Variants in ECPAS observed in about 807,000 individuals in gnomAD.
ECPAS encodes proteasome adapter and scaffold protein ECM29.
Under a neutral mutation model 255.1 loss-of-function variants are expected in ECPAS, and 70 were observed. The observed-to-expected ratio is 0.27, with a 90% confidence interval of 0.23 to 0.33. ECPAS has a LOEUF of 0.33. ECPAS is among the 10% of genes least tolerant of loss of function. ECPAS has a pLI of 1.00. For missense variants in ECPAS, 1,817 were observed against 2,206.4 expected, an observed-to-expected ratio of 0.82 and a Z score of 3.54; for synonymous variants, 784 against 775.0, an observed-to-expected ratio of 1.01 and a Z score of -0.19.
intron 2 of ECPAS, among the ~76,000 whole-genome samples, chr9:111,465,480 CA>C (rs1030623494): frequency 1.4e-4 from 21 of 152,130 alleles, no homozygotes; most frequent in African/African-American, 5.1e-4. Flanking sequence ...AAGGAGGTTG[CA>C]GTGAGCCGAG....
At chr9:111,473,918 A>C (rs2098292787) in intron 1 of ECPAS, among the ~76,000 whole-genome samples, 1 of 152,168 alleles carries the variant, frequency 6.6e-6, no homozygotes, top group Non-Finnish European at 1.5e-5. Flanking sequence ...AGTGAGCCGA[A>C]ATCACACCAC....
intron 24 of ECPAS, among the ~76,000 whole-genome samples, chr9:111,407,102 TA>T (rs1224765159): frequency 5.0e-5 from 7 of 139,424 alleles, no homozygotes; most frequent in African/African-American, 5.6e-5. Context: ...GAGCCTTCAT[TA>T]AAAAAAAAAC....
At chr9:111,436,261 C>A (rs2098238041) in intron 7 of ECPAS, among the ~76,000 whole-genome samples, 1 of 152,160 alleles carries the variant, frequency 6.6e-6, no homozygotes, top group Non-Finnish European at 1.5e-5. Flanking sequence ...AGAAGACTAA[C>A]CCATGTTGCT....
chr9:111,381,737 A>G (rs777871456), intron 35 of ECPAS, among the ~76,000 whole-genome samples: 1 of 152,148 alleles, frequency 6.6e-6, no homozygotes, highest in Non-Finnish European at 1.5e-5. Flanking sequence ...CCATTTTCAC[A>G]CTTTAAAAAT....
At chr9:111,440,562 G>A (rs1363919522) in intron 5 of ECPAS, 41 bp from the exon 6 acceptor site, 1 of 1,469,632 alleles carries the variant, frequency 6.8e-7, no homozygotes, top group East Asian at 2.4e-5. Context: ...CTTAAAAAAT[G>A]AGATTTTTAT....
chr9:111,482,891 G>T (rs947953608), intron 1 of ECPAS, among the ~76,000 whole-genome samples: 1 of 152,156 alleles, frequency 6.6e-6, no homozygotes, highest in Admixed American at 6.5e-5. Context: ...CCGTCCCCGG[G>T]AAGGCTGCAC....
Position 111,425,804 on chromosome 9 carries a change from T to C in ECPAS, c.1075A>G (p.Thr359Ala). 6.3e-7 allele frequency: 1 copy of C among 1,581,116 alleles called. No individual in the cohort carries two copies. Among genetic ancestry groups the C allele is most frequent in the Non-Finnish European group, 8.7e-7 (1 of 1,153,826 alleles). ...IQVVYDGLFG[T>A]NTNSKLRTLS... Reference sequence around the variant, plus strand: ...GTTCTTAACTTTGAATTTGTATTTGTACCAAAAAGTCCATCATACACCACC... The same window carrying C: ...GTTCTTAACTTTGAATTTGTATTTGCACCAAAAAGTCCATCATACACCACC... Residue 359 changes from threonine (T) to alanine (A), a missense_variant, in exon 11 of 50, where the codon ACA (threonine) becomes GCA (alanine). Physicochemically the swap from Thr to Ala is moderately conservative, Grantham distance 58. Transcript: ENST00000684092.
At chr9:111,464,680 G>T (rs2098277204) in intron 2 of ECPAS, among the ~76,000 whole-genome samples, 1 of 152,036 alleles carries the variant, frequency 6.6e-6, no homozygotes, top group Non-Finnish European at 1.5e-5. Context: ...GCTGCAGAAG[G>T]ATATGTACAG....
chr9:111,410,888 A>T lies in ECPAS; in HGVS notation c.2377+92T>A, dbSNP rs142178191. On this transcript the variant is annotated intron_variant, in intron 22 of 49. Coordinates refer to ENST00000684092, the MANE Select transcript of ECPAS (RefSeq NM_001364929.1). ...TGAAAAAGCTTGTGTCTTTTCAAAT[A>T]CAATGCCATAAAAAGAAACTGAAAC... The T allele has an allele frequency of 3.1e-3, 3,949 of 1,268,114 alleles. 22 individuals carry two copies. Among genetic ancestry groups the T allele is most frequent in the Non-Finnish European group, 2.8e-3 (2,523 of 907,294 alleles). 78.6% of individuals were successfully genotyped at this position (1,268,114 alleles called of 1,614,324 possible).
chr9:111,414,502 A>G lies in ECPAS; in HGVS notation c.1914T>C (p.Ser638=). The G allele has an allele frequency of 6.2e-7, 1 of 1,614,018 alleles. No homozygotes were observed. The highest frequency in any genetic ancestry group is 8.5e-7 in the Non-Finnish European group (1 of 1,179,874). Residue 638 remains serine, a synonymous_variant, in exon 19 of 50, where the codon TCT becomes TCC. Coordinates refer to ENST00000684092, the MANE Select transcript of ECPAS (RefSeq NM_001364929.1). ...CAGGGTTAGTCTCCCCACTCTTGTT[A>G]GATGATGAGGGTGCCATCTGCCCGC... ...MSSGQMAPSS[S]NKSGETNPVQ...
At chr9:111,477,281 T>C (rs1478259502) in intron 1 of ECPAS, among the ~76,000 whole-genome samples, 5 of 151,726 alleles carry the variant, frequency 3.3e-5, no homozygotes, top group Non-Finnish European at 7.4e-5. Flanking sequence ...GCTAATTTTT[T>C]TGTATTTTTA....
intron 9 of ECPAS, among the ~76,000 whole-genome samples, chr9:111,428,480 A>C (rs2131832540): frequency 1.3e-5 from 2 of 152,316 alleles, no homozygotes; most frequent in South Asian, 4.1e-4. Context: ...ACTGAGGGAG[A>C]AGCACTGTTT....
At chr9:111,368,938 T>A (rs2098123998) in intron 46 of ECPAS, 97 bp downstream of exon 46, 7 of 1,207,910 alleles carry the variant, frequency 5.8e-6, no homozygotes, top group South Asian at 1.8e-5. Context: ...TCAGGCTCGA[T>A]AAGAAACAAT....
At chr9:111,428,253 A>G in intron 9 of ECPAS, 92 bp from the exon 10 acceptor site, 1 of 1,291,616 alleles carries the variant, frequency 7.7e-7, no homozygotes, top group Non-Finnish European at 1.1e-6. Context: ...GTGGTCTCTC[A>G]AACTTTGTTT....
At chr9:111,450,358 C>A (rs536219829) in intron 3 of ECPAS, among the ~76,000 whole-genome samples, 1 of 152,206 alleles carries the variant, frequency 6.6e-6, no homozygotes, top group South Asian at 2.1e-4. Flanking sequence ...TGCAGACATG[C>A]CAAATATATG....
intron 3 of ECPAS, among the ~76,000 whole-genome samples, chr9:111,447,651 CTG>C (rs1286171320): frequency 1.3e-5 from 2 of 152,066 alleles, no homozygotes; most frequent in African/African-American, 4.8e-5. Flanking sequence ...GCTATTTTAG[CTG>C]TTTGATTCCA....
intron 7 of ECPAS, 147 bp from the exon 8 acceptor site, chr9:111,433,519 G>T: frequency 1.4e-6 from 1 of 695,252 alleles, no homozygotes; most frequent in East Asian, 2.7e-5. Context: ...ACAATGTGCC[G>T]GGGACTGTAC....
At position 111,369,087 on chromosome 9, in the gene ECPAS, C is replaced by T. The variant is rs767400489; in HGVS notation, c.5061G>A (p.Leu1687=). ...KEKELQLEYL[L]GAFESLGKAW... ...CTTTGCCCAGGCTTTCAAAGGCACC[C>T]AGCAGATATTCCAGCTGGAGCTCCT... Residue 1687 remains leucine, a synonymous_variant, in exon 46 of 50, where the codon CTG becomes CTA. Transcript: ENST00000684092. 1.2e-5 allele frequency: 19 copies of T among 1,605,016 alleles called. No homozygotes were observed. The Admixed American group carries it at 1.7e-4, about 15-fold the overall frequency.
Position 111,400,940 on chromosome 9 carries a change from A to G in ECPAS, c.2653-3787T>C, listed in dbSNP as rs956345792. The stretch of plus-strand genomic sequence containing the variant: ...GGTCAAAGAACACCAAGAAAATTCA[A>G]TCCAATTAAGATTACCCCAAGGCAT... On this transcript the variant is annotated intron_variant, in intron 24 of 49. Transcript: ENST00000684092. Among the ~76,000 whole-genome samples the G allele has an allele frequency of 2.6e-5, 4 of 152,212 alleles. No homozygotes were observed. The East Asian group carries it at 5.8e-4, about 22-fold the overall frequency.
Sources: allele counts gnomAD v4.1 joint callset (sites outside exome capture counted in the v4.1 genomes callset), GRCh38; gene constraint gnomAD v4.1.1; transcripts MANE v1.5; gene names NCBI Gene and HGNC (gene_info 2026-07-23, HGNC 2026-07-21).